GPR158: variants seen among roughly 807,000 people sequenced by gnomAD.
GPR158 encodes metabotropic glycine receptor.
GPR158 carries 30 observed loss-of-function variants against 78.2 expected under a neutral mutation model. That is an observed-to-expected ratio of 0.38 (90% CI 0.29 to 0.52). The LOEUF (loss-of-function observed/expected upper bound fraction) is 0.52. Among genes scored for constraint, GPR158 ranks in the 20% least tolerant of loss-of-function variants. The pLI, the probability that GPR158 is intolerant of heterozygous loss-of-function variation, is 0.83. For missense variants in GPR158, 1,463 were observed against 1,523.5 expected (o/e 0.96, Z 0.66); for synonymous variants, 581 against 591.1 (o/e 0.98, Z 0.25).
At chr10:25,302,320 A>G (rs1041670106) in intron 2 of GPR158, among the ~76,000 whole-genome samples, 2 of 150,440 alleles carry the variant, frequency 1.3e-5, no homozygotes, top group African/African-American at 2.4e-5. Flanking sequence ...TCCTGACTTC[A>G]CAATCCGCCG....
At chr10:25,182,925 T>G (rs987583545) in intron 1 of GPR158, among the ~76,000 whole-genome samples, 5 of 152,218 alleles carry the variant, frequency 3.3e-5, no homozygotes, top group Non-Finnish European at 7.3e-5. Flanking sequence ...CTTTGGCAGC[T>G]TCATGGCTGT....
chr10:25,541,636 T>C (rs1298983118), intron 5 of GPR158, among the ~76,000 whole-genome samples: 1 of 151,488 alleles, frequency 6.6e-6, no homozygotes, highest in African/African-American at 2.4e-5. Flanking sequence ...CCACAGGACA[T>C]TGAATAAAGG....
chr10:25,317,789 C>T (rs1042061869), intron 2 of GPR158, among the ~76,000 whole-genome samples: 3 of 147,728 alleles, frequency 2.0e-5, no homozygotes, highest in Admixed American at 1.3e-4. Context: ...AGTGCAATGG[C>T]GCAATCTCAG....
At chr10:25,272,390 T>A (rs535196314) in intron 2 of GPR158, among the ~76,000 whole-genome samples, 1 of 152,268 alleles carries the variant, frequency 6.6e-6, no homozygotes, top group East Asian at 1.9e-4. Flanking sequence ...TGCTCACTTC[T>A]CTGGTAGATG....
At chr10:25,277,563 T>A (rs1015700168) in intron 2 of GPR158, among the ~76,000 whole-genome samples, 12 of 150,826 alleles carry the variant, frequency 8.0e-5, no homozygotes, top group African/African-American at 2.9e-4. Context: ...TTGAAGGAAA[T>A]AAGAAGTTGA....
At chr10:25,291,153 T>G (rs937865841) in intron 2 of GPR158, among the ~76,000 whole-genome samples, 10 of 151,642 alleles carry the variant, frequency 6.6e-5, no homozygotes, top group Non-Finnish European at 1.5e-4. Context: ...TTAAATAGCT[T>G]ACAAAGAAAT....
intron 2 of GPR158, among the ~76,000 whole-genome samples, chr10:25,394,176 T>G (rs1834338402): frequency 6.6e-6 from 1 of 152,222 alleles, no homozygotes; most frequent in Non-Finnish European, 1.5e-5. Flanking sequence ...CTTTTCCTCT[T>G]ATACCCTGTA....
intron 2 of GPR158, among the ~76,000 whole-genome samples, chr10:25,322,514 T>C (rs964272266): frequency 2.6e-5 from 4 of 152,234 alleles, no homozygotes; most frequent in African/African-American, 9.6e-5. Context: ...TCGTAACTCC[T>C]GTTACTGATG....
chr10:25,459,529 T>A (rs1389034364), intron 4 of GPR158, among the ~76,000 whole-genome samples: 4 of 152,178 alleles, frequency 2.6e-5, no homozygotes, highest in African/African-American at 9.7e-5. Context: ...TTTAGCAAGA[T>A]GTACATTAAT....
intron 5 of GPR158, among the ~76,000 whole-genome samples, chr10:25,549,333 T>G (rs1836700950): frequency 6.6e-6 from 1 of 152,154 alleles, no homozygotes; most frequent in South Asian, 2.1e-4. Context: ...AAAACTTGCT[T>G]TGCAGAACTC....
At chr10:25,297,086 C>T (rs7100128) in intron 2 of GPR158, among the ~76,000 whole-genome samples, 90,675 of 151,962 alleles carry the variant, frequency 0.6, 28,852 homozygotes, top group Non-Finnish European at 0.74. Flanking sequence ...TCACTTGTGA[C>T]CTTGGCTGTA....
At chr10:25,561,269 A>C (rs1413102308) in intron 6 of GPR158, among the ~76,000 whole-genome samples, 3 of 152,248 alleles carry the variant, frequency 2.0e-5, no homozygotes, top group African/African-American at 7.2e-5. Flanking sequence ...ACATTTAAAA[A>C]AATAATCCTG....
chr10:25,451,310 A>G (rs1835213052), intron 4 of GPR158, among the ~76,000 whole-genome samples: 1 of 152,224 alleles, frequency 6.6e-6, no homozygotes, highest in Non-Finnish European at 1.5e-5. Context: ...ACTTCTTAGC[A>G]TTTTAATCAG....
At chr10:25,245,493 C>A (rs1319739923) in intron 2 of GPR158, among the ~76,000 whole-genome samples, 1 of 152,090 alleles carries the variant, frequency 6.6e-6, no homozygotes, top group Non-Finnish European at 1.5e-5. Context: ...CTATTCTTCA[C>A]ATGAAACTGA....
rs1253652804 is a variant in GPR158, at chr10:25,596,706, G to C, written c.2062G>C (p.Asp688His). The change falls in exon 10 of 11, where the codon GAC becomes CAC. Residue 688 changes from aspartate (D) to histidine (H), a missense_variant. Asp to His is a moderately conservative substitution (Grantham distance 81, BLOSUM62 -1). Transcript: ENST00000376351. ...TACAGAAGCATATGAGGATGAGCTA[G>C]ACATGGGCCGATCTGGATCCTACCT... ...IATEAYEDEL[D>H]MGRSGSYLNS... is the part of the protein sequence containing the mutation. The C allele has an allele frequency of 1.9e-6, 3 of 1,613,630 alleles. No individual in the cohort carries two copies. Among genetic ancestry groups the C allele is most frequent in the Non-Finnish European group, 1.7e-6 (2 of 1,179,610 alleles).
intron 5 of GPR158, among the ~76,000 whole-genome samples, chr10:25,510,187 A>T (rs1222917970): frequency 1.3e-5 from 2 of 152,242 alleles, no homozygotes; most frequent in African/African-American, 2.4e-5. Flanking sequence ...AGAGTCTTCC[A>T]CAGAGTTGGA....
chr10:25,419,388 G>A (rs4747518), intron 4 of GPR158, among the ~76,000 whole-genome samples: 37,528 of 151,862 alleles, frequency 0.25, 5,193 homozygotes, highest in African/African-American at 0.37. Context: ...TTGTTTTTCC[G>A]TTCATCTGTT....
chr10:25,393,122 G>A (rs1026969167), intron 2 of GPR158, among the ~76,000 whole-genome samples: 4 of 152,172 alleles, frequency 2.6e-5, no homozygotes, highest in African/African-American at 9.7e-5. Context: ...ATATGTACCA[G>A]ATCTAATCAA....
chr10:25,332,115 G>T (rs1171488146), intron 2 of GPR158, among the ~76,000 whole-genome samples: 2 of 137,068 alleles, frequency 1.5e-5, no homozygotes, highest in East Asian at 2.0e-4. Flanking sequence ...GAAATCACCT[G>T]GGGGGGGGCG....
Sources: allele counts gnomAD v4.1 joint callset (sites outside exome capture counted in the v4.1 genomes callset), GRCh38; gene constraint gnomAD v4.1.1; transcripts MANE v1.5; gene names NCBI Gene and HGNC (gene_info 2026-07-23, HGNC 2026-07-21).